The following TMEM132D variants were observed in gnomAD, a reference collection of about 807,000 sequenced individuals.
TMEM132D encodes mature OL transmembrane protein.
A neutral mutation model predicts 62.3 loss-of-function variants in TMEM132D; 21 were observed. The observed-to-expected ratio is 0.34, with a 90% CI of 0.24 to 0.49. TMEM132D has a LOEUF of 0.49. Ranked by LOEUF, TMEM132D falls within the 20% of genes least tolerant of loss-of-function variation. The probability of loss-of-function intolerance (pLI) is 0.99; values close to 1 mark genes in which losing one functional copy is unlikely to be tolerated. For missense variants in TMEM132D, 1,346 were observed against 1,402.8 expected, an observed-to-expected ratio of 0.96 and a Z score of 0.65; for synonymous variants, 621 against 575.6, an observed-to-expected ratio of 1.08 and a Z score of -1.13.
intron 2 of TMEM132D, among the ~76,000 whole-genome samples, chr12:129,573,838 C>T (rs1467813157): frequency 6.6e-6 from 1 of 151,892 alleles, no homozygotes; most frequent in Non-Finnish European, 1.5e-5. Context: ...AAGTGTTACA[C>T]AGAAGCGTGG....
In TMEM132D at chr12:129,516,783, T is replaced by A. The variant is rs151275867; in HGVS notation, c.1115+14276A>T. Among the ~76,000 whole-genome samples, 412 of 152,378 alleles carry A rather than the reference T, an allele frequency of 2.7e-3. 2 individuals carry two copies. Among genetic ancestry groups the A allele is most frequent in the South Asian group, 0.02 (97 of 4,826 alleles). On this transcript the variant is annotated intron_variant, in intron 3 of 8. Coordinates refer to ENST00000422113, the MANE Select transcript of TMEM132D (RefSeq NM_133448.3). ...ACAAATACAGAGGCTTAACATAATG[T>A]GGATTGACTCCTTATAGTTCTGGAG...
intron 2 of TMEM132D, among the ~76,000 whole-genome samples, chr12:129,626,276 G>T (rs944691585): frequency 6.6e-6 from 1 of 152,066 alleles, no homozygotes; most frequent in East Asian, 1.9e-4. Flanking sequence ...GTTTTTGTTC[G>T]TGAAACCCTT....
chr12:129,082,549 A>G (rs1874487836), intron 6 of TMEM132D, among the ~76,000 whole-genome samples: 1 of 152,012 alleles, frequency 6.6e-6, no homozygotes, highest in Non-Finnish European at 1.5e-5. Flanking sequence ...ACCAGTGAGG[A>G]ACTGAGACTA....
At chr12:129,768,702 T>A (rs1020103278) in intron 1 of TMEM132D, among the ~76,000 whole-genome samples, 1 of 152,116 alleles carries the variant, frequency 6.6e-6, no homozygotes, top group African/African-American at 2.4e-5. Context: ...CTGGGGAGCC[T>A]GATGGCCCTG....
At chr12:129,429,788 T>C (rs1339785117) in intron 3 of TMEM132D, among the ~76,000 whole-genome samples, 2 of 136,250 alleles carry the variant, frequency 1.5e-5, no homozygotes, top group Non-Finnish European at 3.1e-5. Flanking sequence ...CCTGTGTCCA[T>C]GTGTTCTCAT....
intron 3 of TMEM132D, among the ~76,000 whole-genome samples, chr12:129,487,027 C>T (rs934172709): frequency 3.0e-5 from 3 of 99,028 alleles, no homozygotes; most frequent in Admixed American, 1.2e-4. Flanking sequence ...CGAATGTTTG[C>T]GTATGGGGGG....
chr12:129,520,480 T>C lies in TMEM132D; in HGVS notation c.1115+10579A>G, dbSNP rs137897169. ...TCTAAATCCAAATTGTCCTAGTTTT[T>C]CCATTTTTATAACTTCCCTTTGGAA... On this transcript the variant is annotated intron_variant, in intron 3 of 8. Transcript: ENST00000422113. 5.7e-4 allele frequency among the ~76,000 whole-genome samples: 87 copies of C among 152,334 alleles called. 2 individuals carry two copies. In the East Asian group the frequency reaches 0.015, roughly 27 times the overall value.
At chr12:129,581,482 G>A (rs1178921747) in intron 2 of TMEM132D, among the ~76,000 whole-genome samples, 9 of 152,176 alleles carry the variant, frequency 5.9e-5, no homozygotes, top group African/African-American at 1.2e-4. Flanking sequence ...TAGGGAAGCC[G>A]ACAGTGCAGC....
chr12:129,218,103 A>G (rs1357475441), intron 4 of TMEM132D, among the ~76,000 whole-genome samples: 1 of 152,176 alleles, frequency 6.6e-6, no homozygotes, highest in Admixed American at 6.5e-5. Context: ...GCACCTGAAA[A>G]GTCTATGCCC....
intron 2 of TMEM132D, among the ~76,000 whole-genome samples, chr12:129,572,813 C>T (rs1262755083): frequency 1.3e-5 from 2 of 152,014 alleles, no homozygotes; most frequent in Non-Finnish European, 2.9e-5. Context: ...AATAATTACT[C>T]CTTAGATTCT....
chr12:129,191,473 T>A (rs1355249837), intron 5 of TMEM132D, among the ~76,000 whole-genome samples: 1 of 151,714 alleles, frequency 6.6e-6, no homozygotes, highest in Non-Finnish European at 1.5e-5. Flanking sequence ...TATGAAACTA[T>A]TATAAAGGAT....
At chr12:129,734,912 GAACTATAAAAGGCAAGT>G (rs2137254835) in intron 1 of TMEM132D, among the ~76,000 whole-genome samples, 1 of 151,958 alleles carries the variant, frequency 6.6e-6, no homozygotes, top group East Asian at 1.9e-4. Flanking sequence ...AAAGGAACTG[GAACTATAAAAGGCAAGT>G]AACCTGATAA....
intron 3 of TMEM132D, among the ~76,000 whole-genome samples, chr12:129,520,556 AC>A (rs1343420410): frequency 2.0e-5 from 3 of 152,100 alleles, no homozygotes; most frequent in Non-Finnish European, 4.4e-5. Flanking sequence ...CATGTAAGTG[AC>A]CCTGAAAGTT....
chr12:129,903,975 G>A lies in TMEM132D; in HGVS notation c.-636C>T, dbSNP rs913277243. On this transcript the variant is annotated 5_prime_UTR_variant, in exon 1 of 9. Coordinates refer to ENST00000422113, the MANE Select transcript of TMEM132D (RefSeq NM_133448.3). The surrounding 1 kb of genome is among the most constrained non-coding windows in gnomAD (Gnocchi z 6.2). ...CCCCGGCCGCCGCCTCGGCCCGCCC[G>A]GCCCCGGGCCCGGCTGGGGCTCGCG... 7.4e-5 allele frequency among the ~76,000 whole-genome samples: 11 copies of A among 148,832 alleles called. No individual in the cohort carries two copies. The highest frequency in any genetic ancestry group is 2.4e-4 in the African/African-American group (10 of 41,218).
intron 3 of TMEM132D, among the ~76,000 whole-genome samples, chr12:129,451,163 A>T (rs2135726653): frequency 6.6e-6 from 1 of 152,292 alleles, no homozygotes; most frequent in African/African-American, 2.4e-5. Flanking sequence ...CCCTCTCAGA[A>T]ATGCTCAATT....
chr12:129,782,256 A>G (rs1871140859), intron 1 of TMEM132D, among the ~76,000 whole-genome samples: 2 of 152,226 alleles, frequency 1.3e-5, no homozygotes, highest in South Asian at 2.1e-4. Flanking sequence ...TCGGCACTCA[A>G]GAAGTTTCCA....
intron 1 of TMEM132D, among the ~76,000 whole-genome samples, chr12:129,710,486 G>C (rs894998963): frequency 5.9e-5 from 9 of 151,866 alleles, no homozygotes; most frequent in African/African-American, 2.2e-4. Flanking sequence ...TAGTAGAGAC[G>C]GGGTTTTGCC....
At chr12:129,200,846 C>T (rs1878686358) in intron 5 of TMEM132D, among the ~76,000 whole-genome samples, 1 of 152,266 alleles carries the variant, frequency 6.6e-6, no homozygotes, top group Admixed American at 6.5e-5. Context: ...TGATTTTCCA[C>T]TCGTCTCTTC....
intron 2 of TMEM132D, among the ~76,000 whole-genome samples, chr12:129,648,744 C>T (rs769234583): frequency 3.9e-5 from 6 of 152,130 alleles, no homozygotes; most frequent in East Asian, 3.8e-4. Context: ...TATGAATACG[C>T]ATTTGATTTC....
Sources: gnomAD v4.1 joint callset for allele counts (sites outside exome capture counted in the v4.1 genomes callset) on GRCh38, gnomAD v4.1.1 for gene constraint, Gnocchi (gnomAD v3.1) non-coding constraint, MANE v1.5 for transcripts, NCBI Gene and HGNC (gene_info 2026-07-23, HGNC 2026-07-21) for gene names.